Variants in SEMA6D observed in about 807,000 individuals in gnomAD.
The protein encoded by SEMA6D is semaphorin-6D.
Under a neutral mutation model 106.6 loss-of-function variants are expected in SEMA6D, and 35 were observed. The observed-to-expected ratio is 0.33, with a 90% CI of 0.25 to 0.44. The LOEUF (loss-of-function observed/expected upper bound fraction) is 0.44. Among genes scored for constraint, SEMA6D ranks in the 20% least tolerant of loss-of-function variants. The pLI is 1.00. For missense variants in SEMA6D, 1,185 were observed against 1,345.9 expected (o/e 0.88, Z 1.87); for synonymous variants, 499 against 487.7 (o/e 1.02, Z -0.31).
intron 1 of SEMA6D, among the ~76,000 whole-genome samples, chr15:47,391,326 C>G (rs530108882): frequency 6.6e-6 from 1 of 152,286 alleles, no homozygotes; most frequent in Admixed American, 6.5e-5. Flanking sequence ...TGGAAAACAT[C>G]CTAAATGCTA....
chr15:47,314,394 C>T (rs887130545), intron 1 of SEMA6D, among the ~76,000 whole-genome samples: 26 of 151,012 alleles, frequency 1.7e-4, no homozygotes, highest in Non-Finnish European at 3.0e-4. Flanking sequence ...GTCAGGAGAT[C>T]GAGACCATCC....
At chr15:47,362,674 G>C (rs2038858825) in intron 1 of SEMA6D, among the ~76,000 whole-genome samples, 2 of 152,184 alleles carry the variant, frequency 1.3e-5, no homozygotes, top group Non-Finnish European at 2.9e-5. Flanking sequence ...CTAACCACCG[G>C]TTTGGAGAGG....
chr15:47,537,772 G>A (rs185134726), intron 3 of SEMA6D, among the ~76,000 whole-genome samples: 4 of 152,248 alleles, frequency 2.6e-5, no homozygotes, highest in African/African-American at 2.4e-5. Flanking sequence ...GATAAATGAC[G>A]TGTGTCTCAA....
intron 4 of SEMA6D, among the ~76,000 whole-genome samples, chr15:47,657,898 G>A (rs2573570): frequency 0.31 from 46,501 of 150,714 alleles, 7,791 homozygotes; most frequent in South Asian, 0.39. Flanking sequence ...CCCCCACCAC[G>A]CCCGGCTAAT....
intron 4 of SEMA6D, among the ~76,000 whole-genome samples, chr15:47,611,179 ACACACACGCATG>A (rs1433169520): frequency 7.0e-5 from 10 of 142,650 alleles, no homozygotes; most frequent in Admixed American, 2.9e-4. Context: ...ACACACACAC[ACACACACGCATG>A]CACACAAGCA....
At chr15:47,199,532 GA>G (rs1180776702) in intron 1 of SEMA6D, among the ~76,000 whole-genome samples, 1 of 152,058 alleles carries the variant, frequency 6.6e-6, no homozygotes, top group Non-Finnish European at 1.5e-5. Context: ...TATCTAAGTG[GA>G]TATGTACATG....
chr15:47,682,387 T>C (rs1032415149), intron 4 of SEMA6D, among the ~76,000 whole-genome samples: 5 of 152,092 alleles, frequency 3.3e-5, no homozygotes, highest in African/African-American at 1.2e-4. Context: ...CAGGGTGGTG[T>C]CGATCTCCTG....
intron 1 of SEMA6D, among the ~76,000 whole-genome samples, chr15:47,314,065 T>A (rs1043278161): frequency 6.6e-6 from 1 of 152,216 alleles, no homozygotes; most frequent in Non-Finnish European, 1.5e-5. Flanking sequence ...TAGCAATGAA[T>A]GACAGTTTCT....
At chr15:47,316,795 A>G (rs973034153) in intron 1 of SEMA6D, among the ~76,000 whole-genome samples, 2 of 152,100 alleles carry the variant, frequency 1.3e-5, no homozygotes, top group East Asian at 1.9e-4. Context: ...GTTGGTTTTT[A>G]TACATTGTTG....
chr15:47,289,637 A>G (rs946567107), intron 1 of SEMA6D, among the ~76,000 whole-genome samples: 6 of 152,014 alleles, frequency 3.9e-5, no homozygotes, highest in Admixed American at 3.9e-4. Flanking sequence ...TGGATTAAAC[A>G]ATGGAGTGTG....
At chr15:47,675,579 G>T (rs747890998) in intron 4 of SEMA6D, among the ~76,000 whole-genome samples, 3 of 152,148 alleles carry the variant, frequency 2.0e-5, no homozygotes, top group Non-Finnish European at 4.4e-5. Context: ...TGCTATGGTA[G>T]ACTTGGCACA....
chr15:47,496,809 C>G (rs1383515503), intron 3 of SEMA6D, among the ~76,000 whole-genome samples: 2 of 151,948 alleles, frequency 1.3e-5, no homozygotes, highest in Non-Finnish European at 2.9e-5. Context: ...ACCTTCACTC[C>G]TCTCATCTAG....
intron 1 of SEMA6D, among the ~76,000 whole-genome samples, chr15:47,333,077 C>T (rs758449187): frequency 2.0e-5 from 3 of 152,020 alleles, no homozygotes; most frequent in Non-Finnish European, 4.4e-5. Context: ...TCACTTTCAT[C>T]GTTGTGTATT....
chr15:47,638,365 A>G (rs8033948), intron 4 of SEMA6D, among the ~76,000 whole-genome samples: 2,314 of 152,296 alleles, frequency 0.015, 56 homozygotes, highest in African/African-American at 0.054. Context: ...AAAACTCAGG[A>G]ATATTGTAGC....
At chr15:47,650,559 A>G (rs372621263) in intron 4 of SEMA6D, among the ~76,000 whole-genome samples, 1 of 152,222 alleles carries the variant, frequency 6.6e-6, no homozygotes, top group Non-Finnish European at 1.5e-5. Flanking sequence ...TTGAGGTACA[A>G]TGAATTTATA....
intron 1 of SEMA6D, among the ~76,000 whole-genome samples, chr15:47,742,767 A>G (rs1335802283): frequency 6.6e-6 from 1 of 152,024 alleles, no homozygotes; most frequent in Admixed American, 6.6e-5. Context: ...TCCTGCTAGA[A>G]CGCCTTTCTT....
At chr15:47,421,474 T>C (rs1595954371) in intron 2 of SEMA6D, among the ~76,000 whole-genome samples, 1 of 152,142 alleles carries the variant, frequency 6.6e-6, no homozygotes, top group African/African-American at 2.4e-5. Flanking sequence ...TATGCACTAA[T>C]AATTTATGTT....
At chr15:47,488,956 TG>T (rs1257507180) in intron 3 of SEMA6D, among the ~76,000 whole-genome samples, 1 of 152,174 alleles carries the variant, frequency 6.6e-6, no homozygotes, top group Non-Finnish European at 1.5e-5. Context: ...TGGGTTGAAC[TG>T]TGGGTCCCAA....
In SEMA6D at chr15:47,189,667, C is replaced by CT. The variant is rs535737584; in HGVS notation, c.-239+5257dup. Among the ~76,000 whole-genome samples the CT allele has an allele frequency of 4.7e-3, 718 of 152,196 alleles. 15 individuals are homozygous for CT. The highest frequency in any genetic ancestry group is 0.029 in the Admixed American group (444 of 15,276). ...TTTTCTATCACCCACATAGACATGA[C>CT]TTTTTTTTCCAGACATCTTGATTAC... On this transcript the variant is annotated intron_variant, in intron 1 of 19. Coordinates refer to the SEMA6D transcript ENST00000558014.
Sources: gnomAD v4.1 joint callset for allele counts (sites outside exome capture counted in the v4.1 genomes callset) on GRCh38, gnomAD v4.1.1 for gene constraint, MANE v1.5 for transcripts, NCBI Gene and HGNC (gene_info 2026-07-23, HGNC 2026-07-21) for gene names.